Variants in FREM1 observed in about 807,000 individuals in gnomAD.
The protein encoded by FREM1 is FRAS1-related extracellular matrix protein 1.
In FREM1, 220 loss-of-function variants were observed where a neutral mutation model predicts 210.1. That is an observed-to-expected ratio of 1.05 (90% CI 0.94 to 1.17). The LOEUF is 1.17. Among genes scored for constraint, FREM1 ranks in the 50% most tolerant of loss-of-function variants. The probability of loss-of-function intolerance (pLI) is 0.00; values close to 1 mark genes in which losing one functional copy is unlikely to be tolerated. For synonymous variants in FREM1, 1,189 were observed against 980.2 expected, an observed-to-expected ratio of 1.21 and a Z score of -3.98; for missense variants, 3,454 against 2,675.5, an observed-to-expected ratio of 1.29 and a Z score of -6.42.
chr9:14,762,625 C>T (rs1007441319), intron 27 of FREM1, among the ~76,000 whole-genome samples: 8 of 151,796 alleles, frequency 5.3e-5, no homozygotes, highest in Middle Eastern at 3.2e-3. Context: ...TAAAATTATT[C>T]GCTACAAATA....
chr9:14,897,159 C>T (rs1190366966), intron 1 of FREM1, among the ~76,000 whole-genome samples: 2 of 152,128 alleles, frequency 1.3e-5, no homozygotes, highest in Non-Finnish European at 2.9e-5. Flanking sequence ...CGTAAAATAA[C>T]AATAATAAGC....
chr9:14,887,380 C>T (rs562659187), intron 1 of FREM1, among the ~76,000 whole-genome samples: 2 of 152,336 alleles, frequency 1.3e-5, no homozygotes, highest in South Asian at 4.1e-4. Flanking sequence ...GCCAAGTGCC[C>T]TTTCCCCTGT....
At chr9:14,905,691 G>C (rs1490627607) in intron 1 of FREM1, among the ~76,000 whole-genome samples, 1 of 152,096 alleles carries the variant, frequency 6.6e-6, no homozygotes, top group Admixed American at 6.5e-5. Context: ...GAGTTCAAGA[G>C]CAGCCTGGCC....
rs2133412606 is a variant in FREM1, at chr9:14,806,732, G to A, written c.3203C>T (p.Pro1068Leu). The A allele has an allele frequency of 6.2e-7, 1 of 1,604,428 alleles. No individual in the cohort carries two copies. The highest frequency in any genetic ancestry group is 8.5e-7 in the Non-Finnish European group (1 of 1,175,140). The change falls in exon 18 of 37, where the codon CCT becomes CTT. Residue 1068 changes from proline to leucine, a missense_variant. By Grantham distance (98) the Pro-to-Leu change is moderately conservative (BLOSUM62 -3). Coordinates refer to ENST00000380880, the MANE Select transcript of FREM1 (RefSeq NM_001379081.2). ...TATATTTTCGAGGTAGCCAAACTGA[G>A]GAGGAGAAACCAAAACAAATTCCAA... is the stretch of plus-strand genomic sequence containing the variant. ...DDLEFVLVSP[P>L]QFGYLENILP...
intron 14 of FREM1, among the ~76,000 whole-genome samples, chr9:14,818,951 T>C (rs1188420527): frequency 2.0e-5 from 3 of 152,348 alleles, no homozygotes; most frequent in East Asian, 1.9e-4. Context: ...TCCTGTGATA[T>C]GTGCAGTTAC....
chr9:14,866,555 T>C (rs1345505689), intron 2 of FREM1, among the ~76,000 whole-genome samples: 1 of 152,140 alleles, frequency 6.6e-6, no homozygotes, highest in African/African-American at 2.4e-5. Flanking sequence ...TTTGTTTTGC[T>C]CAGTTGGGCA....
At chr9:14,750,073 A>T (rs1843084804) in intron 30 of FREM1, 54 bp downstream of exon 30, 5 of 1,577,246 alleles carry the variant, frequency 3.2e-6, no homozygotes, top group Non-Finnish European at 4.3e-6. Context: ...GTTGAAGGCA[A>T]GAGCTACAGC....
In FREM1 at chr9:14,769,781, G is replaced by C. The variant is rs940051372; in HGVS notation, c.5147C>G (p.Ser1716Ter). ...CATGATTTGAAATTCCACGGTATCT[G>C]AATTTACTTCCAAAGATGGGTTTAT... ...YIINPSLEVN[S>*]DTVEFQIMDP... Residue 1716 changes from serine (S) to a stop codon, truncating the protein, a stop_gained, in exon 27 of 37, where the codon TCA becomes TGA. Coordinates refer to ENST00000380880, the MANE Select transcript of FREM1 (RefSeq NM_001379081.2). LOFTEE classifies it high-confidence loss of function. 4.3e-6 allele frequency: 7 copies of C among 1,610,678 alleles called. No homozygotes were observed. Among genetic ancestry groups the C allele is most frequent in the African/African-American group, 4.0e-5 (3 of 74,832 alleles).
intron 3 of FREM1, among the ~76,000 whole-genome samples, chr9:14,862,656 C>G (rs1179741865): frequency 6.6e-6 from 1 of 152,176 alleles, no homozygotes; most frequent in Non-Finnish European, 1.5e-5. Context: ...CTTCCCCAGC[C>G]TCTGGCAACC....
chr9:14,769,631 G>T (rs746184413), intron 27 of FREM1, 93 bp downstream of exon 27: 18 of 1,267,138 alleles, frequency 1.4e-5, no homozygotes, highest in Non-Finnish European at 1.8e-5. Flanking sequence ...TATCTTCTTG[G>T]GTTCTGTTTT....
intron 1 of FREM1, among the ~76,000 whole-genome samples, chr9:14,882,832 G>A (rs2132177151): frequency 7.0e-6 from 1 of 142,126 alleles, no homozygotes; most frequent in East Asian, 2.2e-4. Flanking sequence ...AGAATCGCCT[G>A]AACCTGGGAG....
intron 25 of FREM1, chr9:14,774,210 T>C (rs565005679): frequency 7.9e-6 from 4 of 508,626 alleles, no homozygotes; most frequent in African/African-American, 7.8e-5. Context: ...CTGTGAGGCT[T>C]CATTTCATGT....
Position 14,746,391 on chromosome 9 carries a change from T to C in FREM1, c.6216A>G (p.Lys2072=). 4 of 1,613,902 alleles carry C rather than the reference T, an allele frequency of 2.5e-6. No individual in the cohort carries two copies. The highest frequency in any genetic ancestry group is 3.4e-6 in the Non-Finnish European group (4 of 1,179,772). ...GYCHILITEQ[K]GTWNAAAQAC... ...CTTGGGCAGCCGCATTCCAGGTGCC[T>C]TTCTGCTCTGTGATCAAGATGTGAC... The change falls in exon 35 of 37, where the codon AAA becomes AAG. Residue 2072 remains lysine, a synonymous_variant. Transcript: ENST00000380880.
At chr9:14,892,567 G>C (rs1486616692) in intron 1 of FREM1, among the ~76,000 whole-genome samples, 1 of 152,094 alleles carries the variant, frequency 6.6e-6, no homozygotes, top group Non-Finnish European at 1.5e-5. Flanking sequence ...GGCACTATAG[G>C]ATGTTAACCA....
chr9:14,748,485 T>C lies in FREM1; in HGVS notation c.5712A>G (p.Ala1904=), dbSNP rs1842830803. The stretch of plus-strand genomic sequence containing the variant: ...CCCGCAGGGTGTCTCCCCTGATGAC[T>C]GCTAGCTGCATGGAAGATGGAAGAG... ...RRPLPSSMQL[A]VIRGDTLRGF... The change falls in exon 31 of 37, where the codon GCA becomes GCG. Residue 1904 remains alanine (A), a synonymous_variant. Transcript: ENST00000380880. 6.2e-7 allele frequency: 1 copy of C among 1,613,902 alleles called. No homozygotes were observed. Among genetic ancestry groups the C allele is most frequent in the African/African-American group, 1.3e-5 (1 of 75,054 alleles).
intron 21 of FREM1, among the ~76,000 whole-genome samples, chr9:14,797,194 T>C (rs1197906006): frequency 1.3e-5 from 2 of 152,242 alleles, no homozygotes; most frequent in Non-Finnish European, 2.9e-5. Context: ...TTGGTGTAAG[T>C]GCATGTATTT....
chr9:14,772,077 A>G (rs1411961061), intron 25 of FREM1, among the ~76,000 whole-genome samples: 1 of 151,822 alleles, frequency 6.6e-6, no homozygotes, highest in Non-Finnish European at 1.5e-5. Flanking sequence ...ACAACCAACC[A>G]TTTTTTCCTC....
chr9:14,806,380 C>A (rs1239301088), intron 18 of FREM1, among the ~76,000 whole-genome samples: 2 of 151,890 alleles, frequency 1.3e-5, no homozygotes, highest in African/African-American at 4.8e-5. Flanking sequence ...CTCAGCCTCC[C>A]AAGTAGCTGG....
At chr9:14,861,605 C>T (rs1221831856) in intron 3 of FREM1, among the ~76,000 whole-genome samples, 10 of 147,564 alleles carry the variant, frequency 6.8e-5, no homozygotes, top group Non-Finnish European at 1.5e-4. Context: ...CTCCCAGGTT[C>T]AAGAGATTCT....
Sources: allele counts gnomAD v4.1 joint callset (sites outside exome capture counted in the v4.1 genomes callset), GRCh38; gene constraint gnomAD v4.1.1; transcripts MANE v1.5; gene names NCBI Gene and HGNC (gene_info 2026-07-23, HGNC 2026-07-21).